Variants in PRXL2C observed in about 807,000 individuals in gnomAD.
PRXL2C encodes peroxiredoxin like 2C, also known as peroxiredoxin-like 2C.
A neutral mutation model predicts 24.9 loss-of-function variants in PRXL2C; 38 were observed. That is an observed-to-expected ratio of 1.53 (90% confidence interval 1.18 to 2.00). The LOEUF is 2.00. Among genes scored for constraint, PRXL2C ranks in the 30% most tolerant of loss-of-function variants. The probability of loss-of-function intolerance (pLI) is 0.00; values close to 1 mark genes in which losing one functional copy is unlikely to be tolerated. For synonymous variants in PRXL2C, 98 were observed against 117.2 expected, an observed-to-expected ratio of 0.84 and a Z score of 1.06; for missense variants, 294 against 290.9, an observed-to-expected ratio of 1.01 and a Z score of -0.08.
intron 4 of PRXL2C, among the ~76,000 whole-genome samples, chr9:96,647,557 C>T (rs1157713147): frequency 1.3e-5 from 2 of 152,240 alleles, no homozygotes; most frequent in Admixed American, 6.5e-5. Context: ...GGGTCATGCT[C>T]TGTTGCTCAG....
Position 96,651,285 on chromosome 9 carries a change from AC to A in PRXL2C, c.421+104del. 5.7e-6 allele frequency: 5 copies of A among 878,088 alleles called. No homozygotes were observed. In the East Asian group the frequency reaches 7.8e-5, roughly 14 times the overall value. The allele number at this position is 878,088 out of a possible 1,614,324, so 54.4% of individuals were successfully genotyped here. On this transcript the variant is annotated intron_variant, in intron 4 of 5. Coordinates refer to ENST00000375234, the MANE Select transcript of PRXL2C (RefSeq NM_153698.2). ...AGAGTGAGACTCCATCTCAAAAAAA[AC>A]AAAAAAGCCTGATTTATGAATTGAC...
chr9:96,654,729 G>A lies in PRXL2C; in HGVS notation c.237C>T (p.Ala79=). The A allele has an allele frequency of 5.1e-6, 8 of 1,566,474 alleles. No homozygotes were observed. Among genetic ancestry groups the A allele is most frequent in the African/African-American group, 1.3e-5 (1 of 74,120 alleles). ...CTTGTAAGAAACTCCTGGGGATTTT[G>A]GCCAGATCCTCTACGTATTCCTTGC... The part of the protein sequence containing the change: ...YICKEYVEDL[A]KIPRSFLQEA... The change falls in exon 2 of 6, where the codon GCC becomes GCT. Residue 79 remains alanine (A), a synonymous_variant. Transcript: ENST00000375234.
intron 2 of PRXL2C, among the ~76,000 whole-genome samples, chr9:96,654,017 T>C (rs1848312201): frequency 6.6e-6 from 1 of 152,168 alleles, no homozygotes; most frequent in African/African-American, 2.4e-5. Context: ...ATTTTTGGTA[T>C]TTTTAGTAGA....
rs1848263994 is a variant in PRXL2C, at chr9:96,651,452, T to C, written c.359A>G (p.Asp120Gly). Residue 120 changes from aspartate (D) to glycine (G), a missense_variant, in exon 4 of 6, where the codon GAT (aspartate) becomes GGT (glycine). Coordinates refer to ENST00000375234, the MANE Select transcript of PRXL2C (RefSeq NM_153698.2). Reference sequence around the variant, plus strand: ...TCTTTTATAAATTTCTCTCTCAGGATCGACATAGATTTCATGAGAATATCC... The same window carrying C: ...TCTTTTATAAATTTCTCTCTCAGGACCGACATAGATTTCATGAGAATATCC... Reference protein sequence around the residue: ...LTGYSHEIYVDPEREIYKRLG... With the variant: ...LTGYSHEIYVGPEREIYKRLG... 2 of 1,613,210 alleles carry C rather than the reference T, an allele frequency of 1.2e-6. No homozygotes were observed. Among genetic ancestry groups the C allele is most frequent in the Admixed American group, 3.3e-5 (2 of 59,856 alleles).
chr9:96,646,011 G>T lies in PRXL2C; in HGVS notation c.435C>A (p.His145Gln), dbSNP rs1848197961. Reference protein sequence around the residue: ...EEIASSGQSPHIKSNLLSGSL... With the variant: ...EEIASSGQSPQIKSNLLSGSL... The stretch of plus-strand genomic sequence containing the variant: ...TTCCTGAGAGTAGATTTGATTTTAT[G>T]TGGGGGCTCTGTCCTGAAATGTCGA... Residue 145 changes from histidine (H) to glutamine (Q), a missense_variant, in exon 5 of 6, where the codon CAC becomes CAA. By Grantham distance (24) the His-to-Gln change is conservative. Coordinates refer to ENST00000375234, the MANE Select transcript of PRXL2C (RefSeq NM_153698.2). 3 of 1,611,204 alleles carry T rather than the reference G, an allele frequency of 1.9e-6. No individual in the cohort carries two copies. The highest frequency in any genetic ancestry group is 1.7e-4 in the Middle Eastern group (1 of 6,012).
Position 96,647,036 on chromosome 9 carries a change from C to T in PRXL2C, c.422-1012G>A, listed in dbSNP as rs1229628896. Reference sequence around the variant, plus strand: ...AACTCCTGACCTCAGGTGATCTGCCCGCCTTGGCCTCCCAAAGTGCTGGGA... The same window carrying T: ...AACTCCTGACCTCAGGTGATCTGCCTGCCTTGGCCTCCCAAAGTGCTGGGA... On this transcript the variant is annotated intron_variant, in intron 4 of 5. Coordinates refer to ENST00000375234, the MANE Select transcript of PRXL2C (RefSeq NM_153698.2). Among the ~76,000 whole-genome samples the T allele has an allele frequency of 3.9e-5, 6 of 152,112 alleles. No homozygotes were observed. In the East Asian group the frequency reaches 9.6e-4, roughly 24 times the overall value.
rs548915570 is a variant in PRXL2C, at chr9:96,655,113, G to A, written c.169C>T (p.Arg57Cys). Reference sequence around the variant, plus strand: ...ACCCGCACGAACACCACCACGGCGCGGCGCTCCCGGAACAGCGCGCCGAAC... The same window carrying A: ...ACCCGCACGAACACCACCACGGCGCAGCGCTCCCGGAACAGCGCGCCGAAC... ...VPFGALFRER[R>C]AVVVFVRHFL... The change falls in exon 1 of 6, where the codon CGC (arginine) becomes TGC (cysteine). Residue 57 changes from arginine (R) to cysteine (C), a missense_variant. Coordinates refer to ENST00000375234, the MANE Select transcript of PRXL2C (RefSeq NM_153698.2). 1 of 1,428,496 alleles carries A rather than the reference G, an allele frequency of 7.0e-7. No homozygotes were observed. Among genetic ancestry groups the A allele is most frequent in the Non-Finnish European group, 9.1e-7 (1 of 1,094,930 alleles). The allele number at this position is 1,428,496 out of a possible 1,614,324, so 88.5% of individuals were successfully genotyped here.
chr9:96,644,881 C>CTTTTTGTTTTTT (rs1848170573), intron 5 of PRXL2C, among the ~76,000 whole-genome samples: 1 of 36,674 alleles, frequency 2.7e-5, no homozygotes, highest in Non-Finnish European at 6.5e-5. Flanking sequence ...TACATGGATT[C>CTTTTTGTTTTTT]TTTTTTTTTT....
At position 96,641,281 on chromosome 9, in the gene PRXL2C, CCTGT is replaced by C. The variant is rs1375010294; in HGVS notation, c.*474_*477del. 3 of 152,140 alleles carry C rather than the reference CCTGT, an allele frequency of 2.0e-5. No individual in the cohort carries two copies. The highest frequency in any genetic ancestry group is 1.9e-4 in the East Asian group (1 of 5,196). The allele number at this position is 152,140 out of a possible 1,614,324, so 9.4% of individuals were successfully genotyped here. On this transcript the variant is annotated 3_prime_UTR_variant, in exon 6 of 6. Transcript: ENST00000375234. Reference sequence around the variant, plus strand: ...ACTGGCAACATTTTGGTGTTTATTTCCTGTCTTTTTCCAAAGCATACAAAAATAC... The same window carrying C: ...ACTGGCAACATTTTGGTGTTTATTTCCTTTTTCCAAAGCATACAAAAATAC...
chr9:96,649,328 G>A (rs998398068), intron 4 of PRXL2C, among the ~76,000 whole-genome samples: 3 of 150,262 alleles, frequency 2.0e-5, no homozygotes, highest in Non-Finnish European at 4.4e-5. Context: ...ACTTTGGGAG[G>A]CCGAGGTGGG....
rs769545493 is a variant in PRXL2C, at chr9:96,651,651, A to G, written c.315+8T>C. Reference sequence around the variant, plus strand: ...ATTCATTAGTCTCCCAATGTACTAGATATTTACCTCAATATGATGGTAGGA... The same window carrying G: ...ATTCATTAGTCTCCCAATGTACTAGGTATTTACCTCAATATGATGGTAGGA... On this transcript the variant is annotated splice_region_variant and intron_variant, in intron 3 of 5. Coordinates refer to ENST00000375234, the MANE Select transcript of PRXL2C (RefSeq NM_153698.2). 107 of 1,604,396 alleles carry G rather than the reference A, an allele frequency of 6.7e-5. No individual in the cohort carries two copies. The highest frequency in any genetic ancestry group is 6.0e-4 in the East Asian group (27 of 44,778).
In PRXL2C at chr9:96,655,084, G is replaced by A. The variant is rs1320031337; in HGVS notation, c.192+6C>T. 5 of 1,454,692 alleles carry A rather than the reference G, an allele frequency of 3.4e-6. No individual in the cohort carries two copies. The highest frequency in any genetic ancestry group is 2.6e-5 in the South Asian group (2 of 75,944). 90.1% of individuals were successfully genotyped at this position (1,454,692 alleles called of 1,614,324 possible). ...CGCTTCCCTTCCAGCCCCGCCGCCC[G>A]CTCACCCGCACGAACACCACCACGG... On this transcript the variant is annotated splice_donor_region_variant and intron_variant, in intron 1 of 5. Coordinates refer to ENST00000375234, the MANE Select transcript of PRXL2C (RefSeq NM_153698.2).
chr9:96,649,066 C>T (rs533476699), intron 4 of PRXL2C, among the ~76,000 whole-genome samples: 134 of 152,104 alleles, frequency 8.8e-4, no homozygotes, highest in African/African-American at 3.2e-3. Flanking sequence ...AGCCACCGCG[C>T]CCAGCCCTAA....
intron 4 of PRXL2C, among the ~76,000 whole-genome samples, chr9:96,647,719 G>C (rs534061036): frequency 1.3e-4 from 20 of 152,040 alleles, no homozygotes; most frequent in African/African-American, 4.8e-4. Flanking sequence ...GTTGAGATGG[G>C]GTCTCACTTT....
intron 2 of PRXL2C, 68 bp downstream of exon 2, chr9:96,654,637 G>T: frequency 1.4e-6 from 2 of 1,447,646 alleles, no homozygotes; most frequent in Non-Finnish European, 9.5e-7. Flanking sequence ...CTGGAGCCGC[G>T]TCCTCCCCCG....
At chr9:96,650,661 T>C (rs1848253796) in intron 4 of PRXL2C, among the ~76,000 whole-genome samples, 2 of 152,052 alleles carry the variant, frequency 1.3e-5, no homozygotes, top group South Asian at 4.1e-4. Flanking sequence ...AAAGACATGG[T>C]ACTGAGGTAT....
chr9:96,645,720 C>T (rs1848189110), intron 5 of PRXL2C, among the ~76,000 whole-genome samples, 173 bp downstream of exon 5: 1 of 151,446 alleles, frequency 6.6e-6, no homozygotes, highest in Non-Finnish European at 1.5e-5. Context: ...TGGCGTGAAC[C>T]CGGGAGGCAG....
chr9:96,651,930 C>T (rs141581548), intron 2 of PRXL2C, among the ~76,000 whole-genome samples: 1 of 152,254 alleles, frequency 6.6e-6, no homozygotes, highest in African/African-American at 2.4e-5. Context: ...CAGACTTACA[C>T]ATAAGACCTA....
rs1038128263 is a variant in PRXL2C at position 96,640,367 on chromosome 9, A to C, written c.*1392T>G. On this transcript the variant is annotated 3_prime_UTR_variant, in exon 6 of 6. Coordinates refer to ENST00000375234, the MANE Select transcript of PRXL2C (RefSeq NM_153698.2). Reference sequence around the variant, plus strand: ...AACATGGTGGAACCCCGTCTCTACTAAAAGTAGCCAGGTATGGTGGCGGGT... The same window carrying C: ...AACATGGTGGAACCCCGTCTCTACTCAAAGTAGCCAGGTATGGTGGCGGGT... 2.0e-5 allele frequency: 3 copies of C among 151,878 alleles called. No individual in the cohort carries two copies. Among genetic ancestry groups the C allele is most frequent in the Non-Finnish European group, 4.4e-5 (3 of 68,090 alleles). The allele number at this position is 151,878 out of a possible 1,614,324, so 9.4% of individuals were successfully genotyped here. A position where few individuals can be genotyped will look rare whatever the true frequency, so the allele number is the denominator to read the frequency against.
Sources: gnomAD v4.1 joint callset for allele counts (sites outside exome capture counted in the v4.1 genomes callset) on GRCh38, gnomAD v4.1.1 for gene constraint, MANE v1.5 for transcripts, NCBI Gene and HGNC (gene_info 2026-07-23, HGNC 2026-07-21) for gene names.